ADAMTS17: variants seen among roughly 807,000 people sequenced by gnomAD.
The protein encoded by ADAMTS17 is ADAM metallopeptidase with thrombospondin type 1 motif 17, also known as A disintegrin and metalloproteinase with thrombospondin motifs 17.
Under a neutral mutation model 141.5 loss-of-function variants are expected in ADAMTS17, and 113 were observed. That is an observed-to-expected ratio of 0.80 (90% CI 0.69 to 0.93). The LOEUF is 0.93. ADAMTS17 is among the 40% of genes least tolerant of loss of function. The pLI is 0.00. For missense variants in ADAMTS17, 1,659 were observed against 1,517.9 expected (o/e 1.09, Z -1.54); for synonymous variants, 768 against 630.6 (o/e 1.22, Z -3.27).
intron 18 of ADAMTS17, among the ~76,000 whole-genome samples, chr15:100,034,429 C>T (rs1320292288): frequency 1.3e-5 from 2 of 152,350 alleles, no homozygotes; most frequent in East Asian, 1.9e-4. Flanking sequence ...GCCTGGCCGG[C>T]CAACAAGGAG....
At chr15:100,039,792 T>G (rs529474988) in intron 18 of ADAMTS17, among the ~76,000 whole-genome samples, 18 of 152,344 alleles carry the variant, frequency 1.2e-4, no homozygotes, top group Admixed American at 1.2e-3. Flanking sequence ...ACACCTTGTT[T>G]TTAAAATCCA....
chr15:100,000,955 G>C (rs189732774), intron 18 of ADAMTS17, among the ~76,000 whole-genome samples: 1 of 152,332 alleles, frequency 6.6e-6, no homozygotes, highest in East Asian at 1.9e-4. Context: ...AAAGCTTTCA[G>C]AACAGACTGG....
intron 8 of ADAMTS17, among the ~76,000 whole-genome samples, chr15:100,189,651 G>A (rs762862213): frequency 1.1e-4 from 17 of 152,212 alleles, no homozygotes; most frequent in South Asian, 2.1e-4. Flanking sequence ...CCTTTGGGTC[G>A]TCAGCAGGCG....
chr15:100,117,499 G>A (rs1406289145), intron 12 of ADAMTS17, among the ~76,000 whole-genome samples: 1 of 152,186 alleles, frequency 6.6e-6, no homozygotes, highest in Non-Finnish European at 1.5e-5. Context: ...AGAACAACGA[G>A]TTCACTGCTC....
chr15:100,259,672 T>C lies in ADAMTS17; in HGVS notation c.1031+1807A>G, dbSNP rs543274203. The stretch of plus-strand genomic sequence containing the variant: ...GCTTATATATGGATTATATATTTAA[T>C]CATATCCTGTAGAAGCAGCAAGTGT... On this transcript the variant is annotated intron_variant, in intron 6 of 21. Coordinates refer to ENST00000268070, the MANE Select transcript of ADAMTS17 (RefSeq NM_139057.4). 1.6e-4 allele frequency among the ~76,000 whole-genome samples: 24 copies of C among 152,354 alleles called. No homozygotes were observed. The East Asian group carries it at 4.2e-3, about 27-fold the overall frequency.
chr15:100,266,553 G>A (rs1433261100), intron 4 of ADAMTS17, among the ~76,000 whole-genome samples: 1 of 152,156 alleles, frequency 6.6e-6, no homozygotes, highest in Non-Finnish European at 1.5e-5. Flanking sequence ...CTGGAATGAG[G>A]CTGCTCTCCA....
intron 17 of ADAMTS17, among the ~76,000 whole-genome samples, chr15:100,050,630 G>A (rs907115883): frequency 1.3e-5 from 2 of 152,216 alleles, no homozygotes; most frequent in African/African-American, 4.8e-5. Flanking sequence ...GGTAAGCAAT[G>A]CTTTACATAT....
At chr15:100,191,986 A>T (rs1044321723) in intron 8 of ADAMTS17, among the ~76,000 whole-genome samples, 2 of 152,226 alleles carry the variant, frequency 1.3e-5, no homozygotes, top group Non-Finnish European at 2.9e-5. Flanking sequence ...GCCTGTATCA[A>T]AGTATCTCAT....
chr15:100,102,906 C>T (rs372692574), intron 14 of ADAMTS17, among the ~76,000 whole-genome samples: 1 of 152,214 alleles, frequency 6.6e-6, no homozygotes, highest in African/African-American at 2.4e-5. Flanking sequence ...TCACTTCCGA[C>T]CCTCCATTCT....
chr15:100,069,841 A>T (rs1489384738), intron 15 of ADAMTS17, among the ~76,000 whole-genome samples: 3 of 150,368 alleles, frequency 2.0e-5, no homozygotes, highest in Non-Finnish European at 4.4e-5. Flanking sequence ...CCAACTAACG[A>T]GCAAAATATC....
At chr15:100,010,682 C>T (rs536981517) in intron 18 of ADAMTS17, among the ~76,000 whole-genome samples, 3 of 152,340 alleles carry the variant, frequency 2.0e-5, no homozygotes, top group Admixed American at 1.3e-4. Context: ...AACCAAAACA[C>T]AGCTTTAACA....
intron 20 of ADAMTS17, chr15:99,980,243 C>T (rs181726309): frequency 2.0e-5 from 3 of 152,382 alleles, no homozygotes; most frequent in Non-Finnish European, 2.9e-5. Context: ...ATCACTTCAA[C>T]CCAGGAGGCA....
chr15:100,051,764 A>G (rs1367680070), intron 16 of ADAMTS17, 33 bp from the exon 17 acceptor site: 1 of 1,613,822 alleles, frequency 6.2e-7, no homozygotes, highest in African/African-American at 1.3e-5. Context: ...GGCCATTTTG[A>G]AAAGGAAGGA....
intron 12 of ADAMTS17, among the ~76,000 whole-genome samples, chr15:100,120,501 C>T (rs2037398662): frequency 6.6e-6 from 1 of 152,176 alleles, no homozygotes; most frequent in Admixed American, 6.5e-5. Context: ...GCTGTAACCT[C>T]CACCAGGTGA....
At chr15:100,212,704 C>G (rs2041846922) in intron 7 of ADAMTS17, among the ~76,000 whole-genome samples, 1 of 152,100 alleles carries the variant, frequency 6.6e-6, no homozygotes, top group Non-Finnish European at 1.5e-5. Flanking sequence ...AGGTGATAAC[C>G]AAAAATGCTT....
intron 7 of ADAMTS17, among the ~76,000 whole-genome samples, chr15:100,206,300 ACCTGTGTGCAGGCT>A (rs1434047858): frequency 6.6e-6 from 1 of 152,156 alleles, no homozygotes; most frequent in East Asian, 1.9e-4. Context: ...CTGCACCGTC[ACCTGTGTGCAGGCT>A]CCTGTGTGTG....
chr15:100,307,732 G>A (rs951148593), intron 3 of ADAMTS17, among the ~76,000 whole-genome samples: 8 of 152,194 alleles, frequency 5.3e-5, no homozygotes, highest in East Asian at 1.9e-4. Context: ...CACGTGCCGC[G>A]TGCAGTGCCA....
chr15:100,339,569 AT>A (rs2046302170), intron 2 of ADAMTS17, among the ~76,000 whole-genome samples: 1 of 113,994 alleles, frequency 8.8e-6, no homozygotes, highest in Non-Finnish European at 1.8e-5. Context: ...TACAACCCAC[AT>A]TCCCCGCCCC....
At chr15:100,333,922 G>A (rs2141967313) in intron 2 of ADAMTS17, among the ~76,000 whole-genome samples, 1 of 152,318 alleles carries the variant, frequency 6.6e-6, no homozygotes, top group East Asian at 1.9e-4. Context: ...TGGTTTTAAG[G>A]CATATAATAA....
Sources: gnomAD v4.1 joint callset for allele counts (sites outside exome capture counted in the v4.1 genomes callset) on GRCh38, gnomAD v4.1.1 for gene constraint, MANE v1.5 for transcripts, NCBI Gene and HGNC (gene_info 2026-07-23, HGNC 2026-07-21) for gene names.